The following SNTG1 variants were observed in gnomAD, a reference collection of about 807,000 sequenced individuals.
The protein encoded by SNTG1 is syntrophin gamma 1.
In SNTG1, 39 loss-of-function variants were observed where a neutral mutation model predicts 74.7. The ratio of observed to expected loss-of-function variants is 0.52; its 90% CI spans 0.40 to 0.68. SNTG1 has a LOEUF of 0.68. SNTG1 is among the 30% of genes least tolerant of loss of function. The pLI is 0.00. For missense variants in SNTG1, 685 were observed against 609.5 expected (o/e 1.12, Z -1.30); for synonymous variants, 254 against 217.1 (o/e 1.17, Z -1.49).
chr8:50,219,064 C>T (rs2084931366), intron 2 of SNTG1, among the ~76,000 whole-genome samples: 1 of 152,136 alleles, frequency 6.6e-6, no homozygotes, highest in African/African-American at 2.4e-5. Flanking sequence ...AAAGAACTAA[C>T]TATGAAGAGA....
At chr8:50,319,641 G>A (rs1199590995) in intron 2 of SNTG1, among the ~76,000 whole-genome samples, 1 of 152,126 alleles carries the variant, frequency 6.6e-6, no homozygotes, top group African/African-American at 2.4e-5. Context: ...TCCTTGTCAT[G>A]TTCCAAATCT....
rs180965801 is a variant in SNTG1, at chr8:50,043,382, A to G, written c.-102-129179A>G. Among the ~76,000 whole-genome samples, 834 of 152,366 alleles carry G rather than the reference A, an allele frequency of 5.5e-3. 2 individuals are homozygous for G. Among genetic ancestry groups the G allele is most frequent in the Non-Finnish European group, 8.5e-3 (581 of 68,034 alleles). The stretch of plus-strand genomic sequence containing the variant: ...GATTTTTTGACTAAGGCACAAATGT[A>G]TGCTATATATGGCATACCAGCAGGA... On this transcript the variant is annotated intron_variant, in intron 1 of 18. Coordinates refer to ENST00000642720, the MANE Select transcript of SNTG1 (RefSeq NM_018967.5).
chr8:50,184,043 T>C (rs1301898762), intron 2 of SNTG1, among the ~76,000 whole-genome samples: 3 of 147,394 alleles, frequency 2.0e-5, no homozygotes, highest in Non-Finnish European at 3.1e-5. Flanking sequence ...CCATTTTTTT[T>C]CCACCCGCTT....
At chr8:50,545,887 A>G (rs2094383894) in intron 11 of SNTG1, among the ~76,000 whole-genome samples, 1 of 152,126 alleles carries the variant, frequency 6.6e-6, no homozygotes, top group African/African-American at 2.4e-5. Context: ...CAACACAACA[A>G]TCTTAGCAAA....
intron 1 of SNTG1, among the ~76,000 whole-genome samples, chr8:49,960,112 T>C (rs1810545350): frequency 6.6e-6 from 1 of 152,240 alleles, no homozygotes; most frequent in African/African-American, 2.4e-5. Flanking sequence ...TGAGCTGACC[T>C]GAGAAGCTTC....
At chr8:50,531,931 T>C (rs1415658549) in intron 10 of SNTG1, among the ~76,000 whole-genome samples, 1 of 152,186 alleles carries the variant, frequency 6.6e-6, no homozygotes, top group Non-Finnish European at 1.5e-5. Flanking sequence ...TCTGGTTTGT[T>C]TTTAATCCAT....
At chr8:50,322,062 T>A (rs2090553317) in intron 2 of SNTG1, among the ~76,000 whole-genome samples, 1 of 152,044 alleles carries the variant, frequency 6.6e-6, no homozygotes, top group African/African-American at 2.4e-5. Context: ...GATTTTTTAT[T>A]GCTTATTAAC....
intron 4 of SNTG1, among the ~76,000 whole-genome samples, chr8:50,436,216 T>C (rs1423948121): frequency 6.6e-6 from 1 of 152,182 alleles, no homozygotes; most frequent in African/African-American, 2.4e-5. Context: ...GAATCACATA[T>C]TTACTTTTTA....
At chr8:50,027,497 C>G (rs1175364422) in intron 1 of SNTG1, among the ~76,000 whole-genome samples, 3 of 152,098 alleles carry the variant, frequency 2.0e-5, no homozygotes, top group Admixed American at 1.3e-4. Flanking sequence ...TAGGGTGGCT[C>G]CTATGGACCT....
At position 50,082,124 on chromosome 8, in the gene SNTG1, T is replaced by A. The variant is rs377740380; in HGVS notation, c.-102-90437T>A. On this transcript the variant is annotated intron_variant, in intron 1 of 18. Coordinates refer to ENST00000642720, the MANE Select transcript of SNTG1 (RefSeq NM_018967.5). Reference sequence around the variant, plus strand: ...TGATTTATTTTTTCTTAATAATGCCTATGAATATTGAGTTCCTCTATGTGG... The same window carrying A: ...TGATTTATTTTTTCTTAATAATGCCAATGAATATTGAGTTCCTCTATGTGG... Among the ~76,000 whole-genome samples the A allele has an allele frequency of 1.1e-4, 17 of 152,328 alleles. No homozygotes were observed. In the East Asian group the frequency reaches 2.3e-3, roughly 21 times the overall value.
chr8:50,528,385 T>G (rs901264238), intron 9 of SNTG1, among the ~76,000 whole-genome samples: 2 of 152,038 alleles, frequency 1.3e-5, no homozygotes, highest in Non-Finnish European at 2.9e-5. Flanking sequence ...TTCTCAAATA[T>G]TTTTCTACAT....
At chr8:50,090,948 G>C (rs2079709218) in intron 1 of SNTG1, among the ~76,000 whole-genome samples, 1 of 152,010 alleles carries the variant, frequency 6.6e-6, no homozygotes, top group East Asian at 1.9e-4. Flanking sequence ...TATATAGAAA[G>C]GACTAGTTTA....
intron 4 of SNTG1, among the ~76,000 whole-genome samples, chr8:50,415,500 T>G (rs982242980): frequency 6.6e-6 from 1 of 152,138 alleles, no homozygotes; most frequent in African/African-American, 2.4e-5. Flanking sequence ...AGATTTTTGG[T>G]TAAAATTTCT....
intron 1 of SNTG1, among the ~76,000 whole-genome samples, chr8:49,979,835 T>C (rs1285149775): frequency 3.9e-5 from 6 of 152,226 alleles, no homozygotes; most frequent in Non-Finnish European, 5.9e-5. Flanking sequence ...TGCGTGCGTG[T>C]GTGTGCAGGG....
chr8:50,001,310 G>A (rs1814716055), intron 1 of SNTG1, among the ~76,000 whole-genome samples: 1 of 152,092 alleles, frequency 6.6e-6, no homozygotes. Context: ...GTCTTCAGGT[G>A]TCGGCTGAAA....
At chr8:50,790,248 CTTTG>C (rs1306653726) in intron 18 of SNTG1, among the ~76,000 whole-genome samples, 1 of 151,828 alleles carries the variant, frequency 6.6e-6, no homozygotes, top group Non-Finnish European at 1.5e-5. Context: ...TGTTTTGTTC[CTTTG>C]TTTGTTTTTG....
chr8:50,153,992 C>T (rs2082165167), intron 1 of SNTG1, among the ~76,000 whole-genome samples: 1 of 152,188 alleles, frequency 6.6e-6, no homozygotes. Flanking sequence ...CTATGCCCTG[C>T]CTCCAGAGGT....
At chr8:50,207,209 G>C (rs1272412372) in intron 2 of SNTG1, among the ~76,000 whole-genome samples, 1 of 152,030 alleles carries the variant, frequency 6.6e-6, no homozygotes, top group Non-Finnish European at 1.5e-5. Context: ...ACTTTTTTTG[G>C]TTGGTAAGCT....
chr8:50,223,377 A>T (rs2085165427), intron 2 of SNTG1, among the ~76,000 whole-genome samples: 1 of 152,216 alleles, frequency 6.6e-6, no homozygotes, highest in Non-Finnish European at 1.5e-5. Flanking sequence ...ATAGAAAAGG[A>T]ATATAAAAAT....
Sources: allele counts gnomAD v4.1 joint callset (sites outside exome capture counted in the v4.1 genomes callset), GRCh38; gene constraint gnomAD v4.1.1; transcripts MANE v1.5; gene names NCBI Gene and HGNC (gene_info 2026-07-23, HGNC 2026-07-21).